SVIL: variants seen among roughly 807,000 people sequenced by gnomAD.
SVIL encodes archvillin.
In SVIL, 101 loss-of-function variants were observed where a neutral mutation model predicts 240.4. The ratio of observed to expected loss-of-function variants is 0.42; its 90% CI spans 0.36 to 0.50. The LOEUF (loss-of-function observed/expected upper bound fraction) is 0.50, where lower values mean the gene tolerates loss of function less well. Among genes scored for constraint, SVIL ranks in the 20% least tolerant of loss-of-function variants. The pLI is 0.01. For missense variants in SVIL, 2,512 were observed against 2,818.7 expected, an observed-to-expected ratio of 0.89 and a Z score of 2.46; for synonymous variants, 999 against 1,100.0, an observed-to-expected ratio of 0.91 and a Z score of 1.82.
intron 2 of SVIL, among the ~76,000 whole-genome samples, chr10:29,667,171 T>G (rs1959372072): frequency 6.6e-6 from 1 of 152,168 alleles, no homozygotes; most frequent in Non-Finnish European, 1.5e-5. Context: ...AACTTATGTT[T>G]CCATAAAAAT....
At chr10:29,502,136 T>C (rs187202062) in intron 17 of SVIL, among the ~76,000 whole-genome samples, 3 of 152,330 alleles carry the variant, frequency 2.0e-5, no homozygotes, top group Admixed American at 2.0e-4. Context: ...TAATTTTTAC[T>C]CCCTTCTGAA....
At chr10:29,605,475 G>T (rs943385121) in intron 1 of SVIL, among the ~76,000 whole-genome samples, 12 of 152,120 alleles carry the variant, frequency 7.9e-5, no homozygotes, top group Admixed American at 3.3e-4. Flanking sequence ...ATGAGGCTGA[G>T]CATCTTTCCA....
rs765434019 is a variant in SVIL, at chr10:29,535,996, G to T, written c.901C>A (p.Pro301Thr). 2 of 1,614,174 alleles carry T rather than the reference G, an allele frequency of 1.2e-6. No individual in the cohort carries two copies. The highest frequency in any genetic ancestry group is 8.5e-7 in the Non-Finnish European group (1 of 1,180,016). Residue 301 changes from proline to threonine, a missense_variant, in exon 7 of 38, where the codon CCT becomes ACT. Pro to Thr is a conservative substitution (Grantham distance 38). Coordinates refer to ENST00000355867, the MANE Select transcript of SVIL (RefSeq NM_021738.3). The part of the protein sequence containing the change: ...EGDTPSLINW[P>T]SRVKVREKLV... The stretch of plus-strand genomic sequence containing the variant: ...GGGCCGGCGTGCGGGTACCTGGAAG[G>T]CCAGTTGATAAGTGAAGGTGTGTCC...
chr10:29,560,177 G>T (rs1445608134), intron 3 of SVIL, among the ~76,000 whole-genome samples: 3 of 152,120 alleles, frequency 2.0e-5, no homozygotes, highest in Non-Finnish European at 4.4e-5. Flanking sequence ...CTCTTGGATG[G>T]CAGCCACTAA....
intron 36 of SVIL, among the ~76,000 whole-genome samples, chr10:29,461,839 GT>G (rs1944295358): frequency 3.9e-5 from 6 of 152,132 alleles, no homozygotes; most frequent in Admixed American, 3.9e-4. Context: ...CATTCATTCA[GT>G]TTTCTGAACA....
intron 1 of SVIL, among the ~76,000 whole-genome samples, chr10:29,695,549 C>T (rs954852904): frequency 2.6e-5 from 4 of 152,016 alleles, no homozygotes; most frequent in Non-Finnish European, 5.9e-5. Flanking sequence ...AGTTTCAGAC[C>T]AGCCTGACCA....
chr10:29,638,155 T>C (rs887497706), upstream of SVIL, among the ~76,000 whole-genome samples: 2 of 152,170 alleles, frequency 1.3e-5, no homozygotes, highest in Non-Finnish European at 2.9e-5. Context: ...TCTGAATCTA[T>C]AATTATCTCA....
intron 28 of SVIL, among the ~76,000 whole-genome samples, chr10:29,481,131 A>AGG (rs938523388): frequency 7.9e-5 from 7 of 88,666 alleles, no homozygotes; most frequent in African/African-American, 1.5e-4. Context: ...CCTAGCTTTA[A>AGG]GGGTGTGTGT....
intron 2 of SVIL, among the ~76,000 whole-genome samples, chr10:29,672,881 CAGCAGG>C (rs774297171): frequency 5.3e-4 from 80 of 152,180 alleles, no homozygotes; most frequent in Non-Finnish European, 8.4e-4. Flanking sequence ...GCCTGGCACA[CAGCAGG>C]ATCTTAGCAA....
Position 29,561,964 on chromosome 10 carries a change from A to C in SVIL, c.-51+1237T>G, listed in dbSNP as rs138680219. ...GCCAAATCCCCTGAGTCTTTCAGAC[A>C]TTCACCCTCATCAGACTGTGTCTCG... On this transcript the variant is annotated intron_variant, in intron 3 of 37. Coordinates refer to ENST00000355867, the MANE Select transcript of SVIL (RefSeq NM_021738.3). Among the ~76,000 whole-genome samples the C allele has an allele frequency of 6.0e-4, 91 of 152,260 alleles. 3 individuals are homozygous for C. The East Asian group carries it at 0.017, about 28-fold the overall frequency.
chr10:29,555,076 T>A lies in SVIL; in HGVS notation c.-18A>T, dbSNP rs1196054085. 1 of 1,613,060 alleles carries A rather than the reference T, an allele frequency of 6.2e-7. No individual in the cohort carries two copies. The highest frequency in any genetic ancestry group is 1.1e-5 in the South Asian group (1 of 90,950). Reference sequence around the variant, plus strand: ...CTTTTCATTTCTAAGAATTCTTTCTTCTTTGGTTCAAAGATTTGTCTTAAT... The same window carrying A: ...CTTTTCATTTCTAAGAATTCTTTCTACTTTGGTTCAAAGATTTGTCTTAAT... On this transcript the variant is annotated 5_prime_UTR_variant, in exon 4 of 38. Coordinates refer to ENST00000355867, the MANE Select transcript of SVIL (RefSeq NM_021738.3).
At chr10:29,466,825 T>C (rs1309340696) in intron 33 of SVIL, among the ~76,000 whole-genome samples, 1 of 152,202 alleles carries the variant, frequency 6.6e-6, no homozygotes, top group Non-Finnish European at 1.5e-5. Flanking sequence ...AGAAATGTGG[T>C]TATAAGTGAC....
intron 2 of SVIL, among the ~76,000 whole-genome samples, chr10:29,680,078 G>A (rs550356218): frequency 6.6e-6 from 1 of 152,212 alleles, no homozygotes; most frequent in South Asian, 2.1e-4. Context: ...CCAGCCACTT[G>A]GGGGGCTTAG....
rs748994029 is a variant in SVIL at position 29,470,262 on chromosome 10, GAC to G, written c.5843+12_5843+13del. ...CCGGTGTGTGGGGGGACTCGCCGCA[GAC>G]ACAACACTCACTGTTCCTTGATCTT... On this transcript the variant is annotated intron_variant, in intron 32 of 37. Coordinates refer to ENST00000355867, the MANE Select transcript of SVIL (RefSeq NM_021738.3). 1 of 1,614,056 alleles carries G rather than the reference GAC, an allele frequency of 6.2e-7. No individual in the cohort carries two copies. Among genetic ancestry groups the G allele is most frequent in the Non-Finnish European group, 8.5e-7 (1 of 1,179,924 alleles).
rs371195930 is a variant in SVIL, at chr10:29,529,852, T to A, written c.2107-8A>T. On this transcript the variant is annotated splice_region_variant and splice_polypyrimidine_tract_variant and intron_variant, in intron 11 of 37. Coordinates refer to ENST00000355867, the MANE Select transcript of SVIL (RefSeq NM_021738.3). The stretch of plus-strand genomic sequence containing the variant: ...AAAAGATTTTTCCATCTCCTAAGAT[T>A]AGAAGTATTGTGGAACCCTTATAAA... 3 of 1,605,734 alleles carry A rather than the reference T, an allele frequency of 1.9e-6. No homozygotes were observed. Among genetic ancestry groups the A allele is most frequent in the Non-Finnish European group, 2.5e-6 (3 of 1,176,728 alleles).
chr10:29,650,528 TACC>T (rs1589452195), intron 3 of SVIL, among the ~76,000 whole-genome samples: 1 of 152,198 alleles, frequency 6.6e-6, no homozygotes, highest in African/African-American at 2.4e-5. Context: ...ATGTATTTAT[TACC>T]ACATTTATTA....
At chr10:29,541,004 CAGGGG>C (rs1952109239) in intron 6 of SVIL, among the ~76,000 whole-genome samples, 1 of 152,186 alleles carries the variant, frequency 6.6e-6, no homozygotes, top group South Asian at 2.1e-4. Flanking sequence ...AAATTTACTT[CAGGGG>C]CCCACAGGGC....
intron 1 of SVIL, among the ~76,000 whole-genome samples, chr10:29,712,245 T>G (rs1458992301): frequency 2.0e-5 from 3 of 152,182 alleles, no homozygotes; most frequent in Non-Finnish European, 2.9e-5. Context: ...TGATCCTCTA[T>G]GTTGGAGGCG....
chr10:29,643,848 G>A, intron 3 of SVIL: 2 of 392,058 alleles, frequency 5.1e-6, no homozygotes, highest in South Asian at 1.8e-5. Flanking sequence ...AGCAATGGGT[G>A]TGTAGCAGAG....
Sources: gnomAD v4.1 joint callset for allele counts (sites outside exome capture counted in the v4.1 genomes callset) on GRCh38, gnomAD v4.1.1 for gene constraint, MANE v1.5 for transcripts, NCBI Gene and HGNC (gene_info 2026-07-23, HGNC 2026-07-21) for gene names.